Variants in MASP2 observed in about 807,000 individuals in gnomAD.
The protein encoded by MASP2 is MBL associated serine protease 2.
A neutral mutation model predicts 57.1 loss-of-function variants in MASP2; 49 were observed. The ratio of observed to expected loss-of-function variants is 0.86; its 90% CI spans 0.68 to 1.09. The LOEUF (loss-of-function observed/expected upper bound fraction) is 1.09, where lower values mean the gene tolerates loss of function less well. Among genes scored for constraint, MASP2 ranks in the 50% least tolerant of loss-of-function variants. MASP2 has a pLI of 0.00. For synonymous variants in MASP2, 379 were observed against 340.8 expected, an observed-to-expected ratio of 1.11 and a Z score of -1.24; for missense variants, 900 against 874.8, an observed-to-expected ratio of 1.03 and a Z score of -0.36.
intron 8 of MASP2, among the ~76,000 whole-genome samples, chr1:11,031,823 G>A: frequency 6.6e-6 from 1 of 152,126 alleles, no homozygotes; most frequent in East Asian, 1.9e-4. Flanking sequence ...TGAAGCAGGA[G>A]GATGGCTTGA....
intron 8 of MASP2, among the ~76,000 whole-genome samples, chr1:11,032,064 C>T (rs561239441): frequency 1.4e-4 from 22 of 151,894 alleles, no homozygotes; most frequent in African/African-American, 4.8e-4. Context: ...ATAGTGAGAC[C>T]CCATCTCTAC....
At chr1:11,028,186 A>G (rs968764652) in intron 10 of MASP2, among the ~76,000 whole-genome samples, 3 of 151,820 alleles carry the variant, frequency 2.0e-5, no homozygotes, top group African/African-American at 7.3e-5. Flanking sequence ...ACACCACTGC[A>G]CTCTAGCCTG....
chr1:11,045,613 G>A, intron 3 of MASP2, 74 bp from the exon 4 acceptor site: 1 of 1,491,656 alleles, frequency 6.7e-7, no homozygotes, highest in Non-Finnish European at 9.0e-7. Flanking sequence ...CCTCCCAGGA[G>A]ATCCATGACC....
Position 11,030,261 on chromosome 1 carries a change from T to A in MASP2, c.1223-11A>T. The A allele has an allele frequency of 6.2e-7, 1 of 1,605,086 alleles. No homozygotes were observed. On this transcript the variant is annotated splice_polypyrimidine_tract_variant and intron_variant, in intron 9 of 10. Transcript: ENST00000400897. ...CACACACATATTTACCTGCAAATCA[T>A]TGGAAAAGCAAAAATGTTTAACTGC...
intron 6 of MASP2, among the ~76,000 whole-genome samples, chr1:11,042,497 G>C (rs745645482): frequency 1.4e-4 from 22 of 151,776 alleles, no homozygotes; most frequent in Non-Finnish European, 2.5e-4. Context: ...TGGATGGATA[G>C]GATGGGTAGG....
chr1:11,043,404 C>A lies in MASP2; in HGVS notation c.676G>T (p.Asp226Tyr), dbSNP rs1359509950. ...TCCACATCGAAGGACTCCACAAAGT[C>A]CAGAATGACACTGAACCCCTCCTCC... ...SLEEGFSVIL[D>Y]FVESFDVETH... The change falls in exon 5 of 11, where the codon GAC becomes TAC. Residue 226 changes from aspartate to tyrosine, a missense_variant. By Grantham distance (160) the Asp-to-Tyr change is radical. Transcript: ENST00000400897. 4 of 1,610,634 alleles carry A rather than the reference C, an allele frequency of 2.5e-6. No homozygotes were observed. Among genetic ancestry groups the A allele is most frequent in the Non-Finnish European group, 3.4e-6 (4 of 1,178,922 alleles).
rs898102184 is a variant in MASP2, at chr1:11,026,667, T to C, written c.*218A>G. 5.2e-6 allele frequency: 2 copies of C among 382,604 alleles called. No individual in the cohort carries two copies. Among genetic ancestry groups the C allele is most frequent in the African/African-American group, 4.2e-5 (2 of 48,166 alleles). 23.7% of individuals were successfully genotyped at this position (382,604 alleles called of 1,614,324 possible). ...TACACTGGGTGGGCAAAGATGACTG[T>C]CACTCTCGTGGTTTATGTCCCCTTG... On this transcript the variant is annotated 3_prime_UTR_variant, in exon 11 of 11. Transcript: ENST00000400897.
chr1:11,032,760 T>C (rs1017782120), intron 8 of MASP2, among the ~76,000 whole-genome samples: 1 of 150,772 alleles, frequency 6.6e-6, no homozygotes, highest in Non-Finnish European at 1.5e-5. Flanking sequence ...AATAGAAAAA[T>C]TAGCTGGGCT....
chr1:11,045,945 T>C (rs1339276256), intron 3 of MASP2: 1 of 214,056 alleles, frequency 4.7e-6, no homozygotes, highest in Non-Finnish European at 9.4e-6. Flanking sequence ...TCAAACATCC[T>C]GGCAGCGCTC....
chr1:11,045,395 C>G lies in MASP2; in HGVS notation c.544+13G>C. On this transcript the variant is annotated intron_variant, in intron 4 of 10. Transcript: ENST00000400897. ...AGGAGAGGGTGCGTTGGGGCCCAGG[C>G]AGCCTCCCTCACCTGAGCAGGTGCG... 1 of 1,612,800 alleles carries G rather than the reference C, an allele frequency of 6.2e-7. No homozygotes were observed. Among genetic ancestry groups the G allele is most frequent in the Non-Finnish European group, 8.5e-7 (1 of 1,179,960 alleles).
At chr1:11,046,421 G>T in intron 3 of MASP2, 135 bp downstream of exon 3, 1 of 946,546 alleles carries the variant, frequency 1.1e-6, no homozygotes, top group Non-Finnish European at 1.6e-6. Flanking sequence ...CATTGTGGAT[G>T]ATGTCAGGCC....
chr1:11,035,835 G>A (rs1231735987), intron 7 of MASP2, among the ~76,000 whole-genome samples: 1 of 149,994 alleles, frequency 6.7e-6, no homozygotes, highest in East Asian at 2.0e-4. Context: ...GGTCAAGGCT[G>A]TGGTGAGCTG....
chr1:11,030,869 G>T lies in MASP2; in HGVS notation c.1101C>A (p.Gly367=). ...PMPACSIVDC[G]PPDDLPSGRV... is the part of the protein sequence containing the mutation. ...GGCCACTGGGTAGATCATCAGGAGG[G>T]CCACAGTCAACAACTAAGAAAGAAG... is the stretch of plus-strand genomic sequence containing the variant. The change falls in exon 9 of 11, where the codon GGC becomes GGA. Residue 367 remains glycine (G), a synonymous_variant. Coordinates refer to ENST00000400897, the MANE Select transcript of MASP2 (RefSeq NM_006610.4). 1 of 1,612,670 alleles carries T rather than the reference G, an allele frequency of 6.2e-7. No individual in the cohort carries two copies. The highest frequency in any genetic ancestry group is 1.1e-5 in the South Asian group (1 of 90,870).
At chr1:11,031,867 C>G (rs1643851953) in intron 8 of MASP2, among the ~76,000 whole-genome samples, 1 of 151,556 alleles carries the variant, frequency 6.6e-6, no homozygotes, top group African/African-American at 2.4e-5. Context: ...GAGCTATGAT[C>G]ACACCACTGC....
At position 11,027,349 on chromosome 1, in the gene MASP2, T is replaced by C; in HGVS notation, c.1597A>G (p.Ile533Val). 3 of 1,614,224 alleles carry C rather than the reference T, an allele frequency of 1.9e-6. No homozygotes were observed. The highest frequency in any genetic ancestry group is 2.5e-6 in the Non-Finnish European group (3 of 1,180,034). ...YTHDAGFDNDIALIKLNNKVV... is the reference protein window; with the variant it reads ...YTHDAGFDNDVALIKLNNKVV... ...TTGTTATTCAATTTAATCAGTGCTA[T>C]GTCATTGTCAAAGCCAGCATCATGA... Residue 533 changes from isoleucine to valine, a missense_variant, in exon 11 of 11, where the codon ATA (isoleucine) becomes GTA (valine). Ile to Val is a conservative substitution (Grantham distance 29). Transcript: ENST00000400897.
At chr1:11,038,550 A>T (rs1334727461) in intron 6 of MASP2, among the ~76,000 whole-genome samples, 2 of 151,994 alleles carry the variant, frequency 1.3e-5, no homozygotes, top group Admixed American at 1.3e-4. Context: ...GCCCCTAAAA[A>T]CCCACTGGTC....
chr1:11,032,274 T>C (rs912471297), intron 8 of MASP2, among the ~76,000 whole-genome samples: 5 of 152,104 alleles, frequency 3.3e-5, no homozygotes, highest in African/African-American at 1.2e-4. Flanking sequence ...GTATACTTGC[T>C]CACACATGTG....
chr1:11,034,243 GAAA>G (rs59936951), intron 8 of MASP2, among the ~76,000 whole-genome samples: 6,704 of 65,762 alleles, frequency 0.1, 260 homozygotes, highest in East Asian at 0.34. Flanking sequence ...ACCCTTCTCA[GAAA>G]AAAAAAAAAA....
intron 6 of MASP2, among the ~76,000 whole-genome samples, chr1:11,041,475 G>A (rs995948664): frequency 9.3e-5 from 14 of 150,922 alleles, no homozygotes; most frequent in Non-Finnish European, 1.6e-4. Flanking sequence ...TAGATGGACA[G>A]CTGGAAGGAT....
Sources: gnomAD v4.1 joint callset for allele counts (sites outside exome capture counted in the v4.1 genomes callset) on GRCh38, gnomAD v4.1.1 for gene constraint, MANE v1.5 for transcripts, NCBI Gene and HGNC (gene_info 2026-07-23, HGNC 2026-07-21) for gene names.